The following MYO18B variants were observed in gnomAD, a reference collection of about 807,000 sequenced individuals.
The protein encoded by MYO18B is unconventional myosin-XVIIIb.
MYO18B carries 204 observed loss-of-function variants against 273.0 expected under a neutral mutation model. The ratio of observed to expected loss-of-function variants is 0.75; its 90% CI spans 0.67 to 0.84. The LOEUF (loss-of-function observed/expected upper bound fraction) is 0.84. Ranked by LOEUF, MYO18B falls within the 40% of genes least tolerant of loss-of-function variation. The pLI is 0.00. For synonymous variants in MYO18B, 1,330 were observed against 1,305.7 expected (o/e 1.02, Z -0.40); for missense variants, 3,212 against 3,287.6 (o/e 0.98, Z 0.56).
chr22:25,828,715 A>G, intron 14 of MYO18B, 61 bp from the exon 15 acceptor site: 9 of 1,516,004 alleles, frequency 5.9e-6, no homozygotes, highest in Non-Finnish European at 8.1e-6. Context: ...GGAGGCTTGG[A>G]TCAGTGTGCT....
intron 11 of MYO18B, among the ~76,000 whole-genome samples, chr22:25,796,572 G>A (rs967081971): frequency 2.0e-5 from 3 of 148,242 alleles, no homozygotes; most frequent in East Asian, 2.0e-4. Flanking sequence ...CTCCAGTCTG[G>A]GCCGTAGAGT....
chr22:25,823,531 G>C lies in MYO18B; in HGVS notation c.2548G>C (p.Glu850Gln), dbSNP rs775565247. 4 of 1,613,976 alleles carry C rather than the reference G, an allele frequency of 2.5e-6. No individual in the cohort carries two copies. In the South Asian group the frequency reaches 4.4e-5, roughly 18 times the overall value. ...GGGTCGGAAGCAGTTCATGAGGTTTGAGTGGGCAAACTACGCAGCTGAGGC... is the reference window on the plus strand; with the variant it reads ...GGGTCGGAAGCAGTTCATGAGGTTTCAGTGGGCAAACTACGCAGCTGAGGC... ...KVGRKQFMRF[E>Q]WANYAAEALG... Residue 850 changes from glutamate (E) to glutamine (Q), a missense_variant, in exon 13 of 44, where the codon GAG becomes CAG. Glu to Gln is a conservative substitution (Grantham distance 29). Transcript: ENST00000335473.
chr22:26,037,396 G>T, the MYO18B span, among the ~76,000 whole-genome samples: 3 of 152,168 alleles, frequency 2.0e-5, no homozygotes, highest in African/African-American at 4.8e-5. Flanking sequence ...GCTCAGCAAG[G>T]CCAAGTGACT....
chr22:26,038,774 GTATCT>G, the MYO18B span, among the ~76,000 whole-genome samples: 2 of 152,290 alleles, frequency 1.3e-5, no homozygotes, highest in African/African-American at 4.8e-5. Context: ...GACTGACCTT[GTATCT>G]TATCTTTCCT....
chr22:25,789,121 TCCTCTTCCTCCTCCTCC>T lies in MYO18B; in HGVS notation c.2376+3631_2376+3647del, dbSNP rs2145708582. Among the ~76,000 whole-genome samples the T allele has an allele frequency of 2.4e-5, 3 of 122,724 alleles. No individual in the cohort carries two copies. In the Admixed American group the frequency reaches 2.8e-4, roughly 12 times the overall value. 80.5% of individuals were successfully genotyped at this position (122,724 alleles called of 152,430 possible). A position where few individuals can be genotyped will look rare whatever the true frequency, so the allele number is the denominator to read the frequency against. ...TTCTTCCTCCTCCTCCTCCTCCTCC[TCCTCTTCCTCCTCCTCC>T]TCCTCCTCCATCATCAAGGATGGCA... is the stretch of plus-strand genomic sequence containing the variant. On this transcript the variant is annotated intron_variant, in intron 11 of 43. Coordinates refer to ENST00000335473, the MANE Select transcript of MYO18B (RefSeq NM_032608.7).
intron 34 of MYO18B, among the ~76,000 whole-genome samples, chr22:25,936,337 A>C (rs991636296): frequency 6.6e-6 from 1 of 152,166 alleles, no homozygotes; most frequent in Non-Finnish European, 1.5e-5. Context: ...TAGATCCTAA[A>C]ATACAAAAAA....
the MYO18B span, among the ~76,000 whole-genome samples, chr22:26,063,829 A>G: frequency 6.6e-6 from 1 of 152,244 alleles, no homozygotes; most frequent in South Asian, 2.1e-4. Flanking sequence ...ATAGCAATTA[A>G]AGCTCTTCTT....
intron 12 of MYO18B, among the ~76,000 whole-genome samples, chr22:25,811,291 G>A (rs186928800): frequency 7.2e-5 from 11 of 151,848 alleles, no homozygotes; most frequent in Admixed American, 3.9e-4. Flanking sequence ...CCAAAATGCT[G>A]GGATTACAGG....
chr22:25,767,412 A>T (rs1010785945), intron 3 of MYO18B, among the ~76,000 whole-genome samples: 1 of 152,246 alleles, frequency 6.6e-6, no homozygotes, highest in Non-Finnish European at 1.5e-5. Context: ...TGGAAGTAGC[A>T]GCAGCTCGGT....
At chr22:25,878,619 A>G (rs1459193268) in intron 25 of MYO18B, among the ~76,000 whole-genome samples, 14 of 152,244 alleles carry the variant, frequency 9.2e-5, no homozygotes, top group African/African-American at 3.4e-4. Context: ...CAAATGGCCA[A>G]TAAACTCATG....
At chr22:25,921,555 G>T (rs956919848) in intron 34 of MYO18B, 146 bp downstream of exon 34, 6 of 1,002,280 alleles carry the variant, frequency 6.0e-6, no homozygotes, top group Non-Finnish European at 8.7e-6. Flanking sequence ...GGCATTTCAG[G>T]GCTGTGAGGG....
Position 25,977,430 on chromosome 22 carries a change from ATG to A in MYO18B, c.6157-14930_6157-14929del, listed in dbSNP as rs147275373. On this transcript the variant is annotated intron_variant, in intron 39 of 43. Coordinates refer to ENST00000335473, the MANE Select transcript of MYO18B (RefSeq NM_032608.7). ...GGATGCTACACCAGGTTAAGACCTA[ATG>A]TGCCCCAGGGGGTTGTCACATTGGG... Among the ~76,000 whole-genome samples the A allele has an allele frequency of 8.3e-4, 127 of 152,258 alleles. 1 individual carries two copies. The highest frequency in any genetic ancestry group is 3.4e-3 in the Middle Eastern group (1 of 294).
intron 11 of MYO18B, among the ~76,000 whole-genome samples, chr22:25,789,105 C>T (rs62224692): frequency 4.5e-3 from 140 of 31,274 alleles, no homozygotes; most frequent in Non-Finnish European, 0.013. Context: ...CTTCTTCCTC[C>T]TCCTCCTCCT....
intron 39 of MYO18B, 111 bp from the exon 40 acceptor site, chr22:25,992,252 G>A: frequency 7.4e-7 from 1 of 1,355,288 alleles, no homozygotes; most frequent in Non-Finnish European, 1.0e-6. Flanking sequence ...CCACTTCATA[G>A]GTGCTCAGTG....
chr22:25,756,152 C>T (rs2086114479), intron 1 of MYO18B, among the ~76,000 whole-genome samples: 1 of 152,198 alleles, frequency 6.6e-6, no homozygotes, highest in Non-Finnish European at 1.5e-5. Flanking sequence ...CCTCAGCCTC[C>T]CAAAGTGCTG....
intron 43 of MYO18B, among the ~76,000 whole-genome samples, chr22:26,029,648 T>C (rs757373101): frequency 4.3e-4 from 65 of 152,264 alleles, no homozygotes; most frequent in Non-Finnish European, 6.5e-4. Context: ...CCAAGGATGC[T>C]AGTTTTTCAG....
intron 42 of MYO18B, among the ~76,000 whole-genome samples, chr22:26,010,901 C>T (rs551894422): frequency 1.1e-4 from 17 of 151,950 alleles, no homozygotes; most frequent in African/African-American, 4.1e-4. Flanking sequence ...TTGGGGACAT[C>T]CAAAGAGAAT....
chr22:25,746,525 A>T lies in MYO18B; in HGVS notation c.-110+4232A>T, dbSNP rs133856. On this transcript the variant is annotated intron_variant, in intron 1 of 43. Coordinates refer to ENST00000335473, the MANE Select transcript of MYO18B (RefSeq NM_032608.7). ...TCCCTGTCCTTGACCCAGTAGATGC[A>T]GGTAGCACCTCCTCTCCAGTTGTGA... is the stretch of plus-strand genomic sequence containing the variant. 6.6e-6 allele frequency among the ~76,000 whole-genome samples: 1 copy of T among 151,890 alleles called. No homozygotes were observed. Among genetic ancestry groups the T allele is most frequent in the South Asian group, 2.1e-4 (1 of 4,812 alleles).
chr22:25,782,946 A>G (rs2087223104), intron 10 of MYO18B, among the ~76,000 whole-genome samples: 1 of 152,196 alleles, frequency 6.6e-6, no homozygotes, highest in Admixed American at 6.5e-5. Context: ...GTGGATTTGT[A>G]TGTTGGCTTC....
Sources: allele counts gnomAD v4.1 joint callset (sites outside exome capture counted in the v4.1 genomes callset), GRCh38; gene constraint gnomAD v4.1.1; transcripts MANE v1.5; gene names NCBI Gene and HGNC (gene_info 2026-07-23, HGNC 2026-07-21).